CHD7: variants seen among roughly 807,000 people sequenced by gnomAD.
CHD7 encodes ATP-dependent chromatin remodeler CHD7.
A neutral mutation model predicts 307.3 loss-of-function variants in CHD7; 24 were observed. The ratio of observed to expected loss-of-function variants is 0.08; its 90% CI spans 0.06 to 0.11. The LOEUF is 0.11. CHD7 is among the 10% of genes least tolerant of loss of function. The probability of loss-of-function intolerance (pLI) is 1.00; values close to 1 mark genes in which losing one functional copy is unlikely to be tolerated. For missense variants in CHD7, 3,106 were observed against 3,727.1 expected (o/e 0.83, Z 4.34); for synonymous variants, 1,363 against 1,349.9 (o/e 1.01, Z -0.21).
At chr8:60,735,311 G>A (rs769510594) in intron 1 of CHD7, among the ~76,000 whole-genome samples, 2 of 152,162 alleles carry the variant, frequency 1.3e-5, no homozygotes, top group Admixed American at 1.3e-4. Context: ...TGCCCTATAC[G>A]ATGTCAGTGG....
At chr8:60,734,434 G>A (rs1424870951) in intron 1 of CHD7, among the ~76,000 whole-genome samples, 2 of 152,212 alleles carry the variant, frequency 1.3e-5, no homozygotes, top group African/African-American at 4.8e-5. Context: ...AAGAATAGTA[G>A]CGTGCTTGGC....
intron 2 of CHD7, among the ~76,000 whole-genome samples, chr8:60,753,376 A>G (rs1809732910): frequency 1.3e-5 from 2 of 152,192 alleles, no homozygotes. Context: ...AAATCATGGT[A>G]GAAGACTTAG....
In CHD7 at chr8:60,868,008, T is replaced by A. The variant is rs1272644604; in HGVS notation, c.*2075T>A. On this transcript the variant is annotated 3_prime_UTR_variant, in exon 38 of 38. Coordinates refer to ENST00000423902, the MANE Select transcript of CHD7 (RefSeq NM_017780.4). ...AGAATTTGCTTAATAAAATGAGTCA[T>A]TAAAGGGTGTTTTTTTTAAAGTTCT... 6.6e-6 allele frequency: 1 copy of A among 152,324 alleles called. No homozygotes were observed. The highest frequency in any genetic ancestry group is 1.9e-4 in the East Asian group (1 of 5,190). 9.4% of individuals were successfully genotyped at this position (152,324 alleles called of 1,614,324 possible).
intron 22 of CHD7, 77 bp from the exon 23 acceptor site, chr8:60,845,173 G>T: frequency 6.4e-7 from 1 of 1,570,286 alleles, no homozygotes; most frequent in Middle Eastern, 1.8e-4. Flanking sequence ...TCCCTGCCTC[G>T]TGCATTAAGC....
At chr8:60,745,422 G>A (rs1809274105) in intron 2 of CHD7, among the ~76,000 whole-genome samples, 1 of 152,178 alleles carries the variant, frequency 6.6e-6, no homozygotes, top group African/African-American at 2.4e-5. Context: ...GAGGACATGT[G>A]TGAGTCTGTG....
chr8:60,736,840 T>C (rs1402135088), intron 1 of CHD7, among the ~76,000 whole-genome samples: 1 of 152,218 alleles, frequency 6.6e-6, no homozygotes, highest in Non-Finnish European at 1.5e-5. Flanking sequence ...ATCTCCTTGC[T>C]AGGTTTCTAG....
chr8:60,733,814 CAG>C (rs1176356572), intron 1 of CHD7, among the ~76,000 whole-genome samples: 2 of 151,946 alleles, frequency 1.3e-5, no homozygotes, highest in African/African-American at 2.4e-5. Context: ...TCAGAATATC[CAG>C]AGTCTTCAAA....
chr8:60,726,125 A>G (rs1463082219), intron 1 of CHD7, among the ~76,000 whole-genome samples: 5 of 152,256 alleles, frequency 3.3e-5, no homozygotes, highest in East Asian at 1.9e-4. Flanking sequence ...TCACTGAATC[A>G]TTTACATAAC....
At position 60,720,008 on chromosome 8, in the gene CHD7, A is replaced by T. The variant is rs137942973; in HGVS notation, c.-174-21251A>T. On this transcript the variant is annotated intron_variant, in intron 1 of 37. Transcript: ENST00000423902. ...CCCCACCCCTGATAAATTCAGGTAC[A>T]TTAATTAATCTTCTAGGTTTTTAAT... Among the ~76,000 whole-genome samples, 719 of 152,352 alleles carry T rather than the reference A, an allele frequency of 4.7e-3. 2 individuals are homozygous for T. The highest frequency in any genetic ancestry group is 0.016 in the African/African-American group (678 of 41,574).
In CHD7 at chr8:60,836,926, A is replaced by C. The variant is rs776775999; in HGVS notation, c.4099A>C (p.Arg1367=). ...SDRFVFLLCT[R]AGGLGINLTA... ...TAGGTTTGTTTTCCTCCTGTGTACA[A>C]GGGCAGGAGGTTTAGGCATTAACCT... is the stretch of plus-strand genomic sequence containing the variant. Residue 1367 remains arginine (R), a synonymous_variant, in exon 17 of 38, where the codon AGG becomes CGG. Transcript: ENST00000423902. The C allele has an allele frequency of 6.2e-7, 1 of 1,613,724 alleles. No homozygotes were observed. Among genetic ancestry groups the C allele is most frequent in the South Asian group, 1.1e-5 (1 of 91,064 alleles).
chr8:60,800,300 G>A, intron 4 of CHD7, 88 bp from the exon 5 acceptor site: 6 of 1,371,748 alleles, frequency 4.4e-6, no homozygotes, highest in Non-Finnish European at 5.9e-6. Flanking sequence ...CCAAAGTGCT[G>A]GGATTACAGG....
chr8:60,782,189 G>A (rs998966010), intron 3 of CHD7, among the ~76,000 whole-genome samples: 1 of 152,198 alleles, frequency 6.6e-6, no homozygotes, highest in African/African-American at 2.4e-5. Flanking sequence ...TGTGGCTCAT[G>A]TTAGAAAATA....
At chr8:60,788,975 A>G (rs1047614642) in intron 3 of CHD7, among the ~76,000 whole-genome samples, 2 of 152,134 alleles carry the variant, frequency 1.3e-5, no homozygotes, top group African/African-American at 4.8e-5. Flanking sequence ...TGCTGCTTTA[A>G]TTGGCTTTTT....
intron 4 of CHD7, among the ~76,000 whole-genome samples, chr8:60,797,831 G>C (rs973441049): frequency 1.3e-4 from 20 of 152,202 alleles, no homozygotes; most frequent in African/African-American, 4.8e-4. Flanking sequence ...ATGAGAGCAG[G>C]AGTAAGTAGG....
intron 13 of CHD7, among the ~76,000 whole-genome samples, chr8:60,827,150 A>G (rs112651594): frequency 2.6e-5 from 4 of 152,298 alleles, no homozygotes; most frequent in African/African-American, 9.6e-5. Flanking sequence ...CTAATGCTAG[A>G]TGACGAGTTA....
At chr8:60,796,536 A>G (rs1486103328) in intron 4 of CHD7, among the ~76,000 whole-genome samples, 1 of 152,130 alleles carries the variant, frequency 6.6e-6, no homozygotes, top group Non-Finnish European at 1.5e-5. Flanking sequence ...TTGTTATTTC[A>G]CAAATACTGC....
intron 2 of CHD7, among the ~76,000 whole-genome samples, chr8:60,747,579 T>C (rs1809395997): frequency 6.6e-6 from 1 of 152,242 alleles, no homozygotes; most frequent in African/African-American, 2.4e-5. Context: ...ATGTAGTCTA[T>C]GTGCTAGTCA....
At chr8:60,847,547 G>A (rs970828768) in intron 23 of CHD7, among the ~76,000 whole-genome samples, 3 of 152,204 alleles carry the variant, frequency 2.0e-5, no homozygotes, top group African/African-American at 7.2e-5. Context: ...TTATTCAGCT[G>A]GGGAAATAGC....
intron 8 of CHD7, among the ~76,000 whole-genome samples, 186 bp downstream of exon 8, chr8:60,816,687 G>A (rs1036012582): frequency 6.6e-6 from 1 of 152,188 alleles, no homozygotes; most frequent in Non-Finnish European, 1.5e-5. Context: ...CTGTTGCTTA[G>A]GCTAGAAGAT....
Sources: allele counts gnomAD v4.1 joint callset (sites outside exome capture counted in the v4.1 genomes callset), GRCh38; gene constraint gnomAD v4.1.1; transcripts MANE v1.5; gene names NCBI Gene and HGNC (gene_info 2026-07-23, HGNC 2026-07-21).